The following GALNT17 variants were observed in gnomAD, a reference collection of about 807,000 sequenced individuals.
GALNT17 encodes polypeptide N-acetylgalactosaminyltransferase 17.
In GALNT17, 29 loss-of-function variants were observed where a neutral mutation model predicts 63.7. That is an observed-to-expected ratio of 0.46 (90% CI 0.34 to 0.62). The LOEUF (loss-of-function observed/expected upper bound fraction) is 0.62. Ranked by LOEUF, GALNT17 falls within the 20% of genes least tolerant of loss-of-function variation. The pLI is 0.01. For synonymous variants in GALNT17, 305 were observed against 318.3 expected, an observed-to-expected ratio of 0.96 and a Z score of 0.45; for missense variants, 603 against 799.6, an observed-to-expected ratio of 0.75 and a Z score of 2.97.
intron 1 of GALNT17, among the ~76,000 whole-genome samples, chr7:71,237,570 A>G (rs1789918156): frequency 6.6e-6 from 1 of 151,480 alleles, no homozygotes; most frequent in African/African-American, 2.4e-5. Flanking sequence ...CTGTAGTCCC[A>G]GCTACTCAGG....
intron 1 of GALNT17, among the ~76,000 whole-genome samples, chr7:71,161,395 A>G (rs980387199): frequency 1.3e-5 from 2 of 152,188 alleles, no homozygotes; most frequent in African/African-American, 2.4e-5. Flanking sequence ...GTTAAAAACC[A>G]TTTATCAGTT....
chr7:71,383,164 T>C (rs1057056872), intron 2 of GALNT17, among the ~76,000 whole-genome samples: 1 of 152,206 alleles, frequency 6.6e-6, no homozygotes, highest in Non-Finnish European at 1.5e-5. Context: ...TGTGGTAGTA[T>C]ATTGCAGAAT....
intron 5 of GALNT17, among the ~76,000 whole-genome samples, chr7:71,542,284 C>A (rs539628780): frequency 2.6e-5 from 4 of 152,074 alleles, no homozygotes; most frequent in Non-Finnish European, 4.4e-5. Context: ...CATAAATATA[C>A]TTGTGTAATA....
rs768481913 is a variant in GALNT17 at position 71,576,012 on chromosome 7, T to C, written c.1080+4610T>C. Among the ~76,000 whole-genome samples the C allele has an allele frequency of 1.6e-4, 25 of 152,154 alleles. 1 individual carries two copies. The highest frequency in any genetic ancestry group is 1.3e-3 in the Admixed American group (20 of 15,274). ...CAGAAACTATTAACAAAGGGTATTA[T>C]AGTAGCATGTCTAAATGTTAAGAGA... On this transcript the variant is annotated intron_variant, in intron 6 of 10. Coordinates refer to ENST00000333538, the MANE Select transcript of GALNT17 (RefSeq NM_022479.3).
rs140489195 is a variant in GALNT17 at position 71,392,925 on chromosome 7, G to A, written c.589+4524G>A. Among the ~76,000 whole-genome samples, 77 of 152,208 alleles carry A rather than the reference G, an allele frequency of 5.1e-4. 1 individual carries two copies. In the East Asian group the frequency reaches 0.014, roughly 29 times the overall value. ...ACTGGTATTATCGAGTTTTGTAAAT[G>A]TTCTACGTCTATTTAAAAAGACCCC... On this transcript the variant is annotated intron_variant, in intron 3 of 10. Transcript: ENST00000333538.
chr7:71,533,793 A>G (rs745649178), intron 5 of GALNT17, among the ~76,000 whole-genome samples: 1 of 152,210 alleles, frequency 6.6e-6, no homozygotes, highest in Non-Finnish European at 1.5e-5. Context: ...AGGTGATGTC[A>G]GCTGGGAGAT....
chr7:71,371,366 T>C (rs1362352232), intron 2 of GALNT17, among the ~76,000 whole-genome samples: 1 of 152,256 alleles, frequency 6.6e-6, no homozygotes, highest in Admixed American at 6.5e-5. Flanking sequence ...AAATGACATT[T>C]CATTGTTTTT....
At chr7:71,392,391 G>A (rs373858631) in intron 3 of GALNT17, among the ~76,000 whole-genome samples, 206 of 152,290 alleles carry the variant, frequency 1.4e-3, no homozygotes, top group African/African-American at 4.8e-3. Context: ...TGCTCCAAGG[G>A]TGAGGAAGCT....
chr7:71,596,580 G>A (rs1005285556), intron 6 of GALNT17, among the ~76,000 whole-genome samples: 5 of 152,058 alleles, frequency 3.3e-5, no homozygotes, highest in African/African-American at 1.2e-4. Context: ...TCTTCAGTTT[G>A]AGTTTGCAAC....
intron 5 of GALNT17, among the ~76,000 whole-genome samples, chr7:71,542,513 G>A (rs1788910440): frequency 1.3e-5 from 2 of 151,824 alleles, no homozygotes; most frequent in South Asian, 4.2e-4. Flanking sequence ...TGGCTAACAT[G>A]GTGAAACCCT....
At chr7:71,295,437 T>C (rs554915670) in intron 1 of GALNT17, among the ~76,000 whole-genome samples, 14 of 152,000 alleles carry the variant, frequency 9.2e-5, no homozygotes, top group Non-Finnish European at 2.1e-4. Flanking sequence ...CCTCCTTCCT[T>C]CCTTTCTGTG....
At chr7:71,230,536 C>CT (rs776535841) in intron 1 of GALNT17, among the ~76,000 whole-genome samples, 1 of 152,108 alleles carries the variant, frequency 6.6e-6, no homozygotes, top group Non-Finnish European at 1.5e-5. Context: ...GGTCAGAACT[C>CT]TGTCACTTGG....
intron 8 of GALNT17, among the ~76,000 whole-genome samples, chr7:71,673,238 A>G (rs377337224): frequency 1.2e-4 from 18 of 152,294 alleles, no homozygotes; most frequent in Middle Eastern, 3.4e-3. Flanking sequence ...TGAGAGTAAA[A>G]TTGTTCAGCT....
chr7:71,634,299 ACT>A (rs1259450593), intron 6 of GALNT17, among the ~76,000 whole-genome samples: 9 of 151,932 alleles, frequency 5.9e-5, no homozygotes, highest in Non-Finnish European at 1.2e-4. Context: ...AAAGAGTCAA[ACT>A]CTGTAAAATA....
chr7:71,593,500 G>A (rs1789841970), intron 6 of GALNT17, among the ~76,000 whole-genome samples: 2 of 152,134 alleles, frequency 1.3e-5, no homozygotes, highest in East Asian at 1.9e-4. Context: ...TCTTGACCAC[G>A]TGATCTGCCC....
chr7:71,272,850 C>T (rs1790617088), intron 1 of GALNT17, among the ~76,000 whole-genome samples: 2 of 152,148 alleles, frequency 1.3e-5, no homozygotes. Context: ...ATCATTTAAG[C>T]TCTATGTCTG....
intron 2 of GALNT17, among the ~76,000 whole-genome samples, chr7:71,360,713 A>T (rs1272887120): frequency 1.3e-5 from 2 of 152,182 alleles, no homozygotes; most frequent in African/African-American, 4.8e-5. Flanking sequence ...TGGGCAGATC[A>T]CTTGAGGCCA....
intron 5 of GALNT17, among the ~76,000 whole-genome samples, chr7:71,506,730 G>A (rs1406032366): frequency 3.9e-5 from 6 of 152,208 alleles, no homozygotes; most frequent in African/African-American, 1.2e-4. Flanking sequence ...ATTTCTTTGT[G>A]TTGTACTGGT....
rs1295096389 is a variant in GALNT17 at position 71,133,038 on chromosome 7, A to G, written c.236A>G (p.Asn79Ser). ...LLEDIVYRQL[N>S]GLSKSLGLIE... ...GAGGACATCGTGTACCGGCAGCTGA[A>G]TGGTAAGGACGCACGCCGGCGCCTC... Residue 79 changes from asparagine to serine, a missense_variant and splice_region_variant, in exon 1 of 11, where the codon AAT becomes AGT. Coordinates refer to ENST00000333538, the MANE Select transcript of GALNT17 (RefSeq NM_022479.3). 3.8e-6 allele frequency: 6 copies of G among 1,574,022 alleles called. No individual in the cohort carries two copies. Among genetic ancestry groups the G allele is most frequent in the South Asian group, 3.4e-5 (3 of 87,942 alleles).
Sources: gnomAD v4.1 joint callset for allele counts (sites outside exome capture counted in the v4.1 genomes callset) on GRCh38, gnomAD v4.1.1 for gene constraint, MANE v1.5 for transcripts, NCBI Gene and HGNC (gene_info 2026-07-23, HGNC 2026-07-21) for gene names.